NLGN1: variants seen among roughly 807,000 people sequenced by gnomAD.
NLGN1 encodes neuroligin 1.
NLGN1 carries 12 observed loss-of-function variants against 65.5 expected under a neutral mutation model. The ratio of observed to expected loss-of-function variants is 0.18; its 90% CI spans 0.12 to 0.30. The LOEUF (loss-of-function observed/expected upper bound fraction) is 0.30, where lower values mean the gene tolerates loss of function less well. Among genes scored for constraint, NLGN1 ranks in the 10% least tolerant of loss-of-function variants. The pLI, the probability that NLGN1 is intolerant of heterozygous loss-of-function variation, is 1.00. For missense variants in NLGN1, 750 were observed against 1,007.1 expected (o/e 0.74, Z 3.46); for synonymous variants, 350 against 359.5 (o/e 0.97, Z 0.30).
At chr3:173,684,228 T>A (rs188654694) in intron 3 of NLGN1, among the ~76,000 whole-genome samples, 43 of 152,246 alleles carry the variant, frequency 2.8e-4, no homozygotes, top group Non-Finnish European at 5.0e-4. Flanking sequence ...AATAGAACCC[T>A]TTTTTTAAAT....
At chr3:173,500,841 T>G (rs370986213) in intron 2 of NLGN1, among the ~76,000 whole-genome samples, 9 of 151,882 alleles carry the variant, frequency 5.9e-5, no homozygotes, top group African/African-American at 9.6e-5. Flanking sequence ...GGGCTTATGC[T>G]TCACAACACT....
intron 4 of NLGN1, among the ~76,000 whole-genome samples, chr3:173,975,798 G>A (rs1223381416): frequency 4.0e-5 from 6 of 151,760 alleles, no homozygotes; most frequent in South Asian, 2.1e-4. Context: ...ATTTTTGGTG[G>A]CATTTTTATG....
chr3:173,763,974 C>T (rs1244884111), intron 3 of NLGN1, among the ~76,000 whole-genome samples: 1 of 152,144 alleles, frequency 6.6e-6, no homozygotes, highest in African/African-American at 2.4e-5. Context: ...GTACTGTGCT[C>T]AGTAAGCTAA....
At chr3:174,224,593 G>C (rs1382363874) in intron 4 of NLGN1, among the ~76,000 whole-genome samples, 1 of 152,132 alleles carries the variant, frequency 6.6e-6, no homozygotes, top group East Asian at 1.9e-4. Context: ...CAGCTACTCG[G>C]GAGGCTGAGG....
rs77194394 is a variant in NLGN1, at chr3:174,161,653, G to T, written c.647-113662G>T. 3.9e-3 allele frequency among the ~76,000 whole-genome samples: 589 copies of T among 151,932 alleles called. 3 individuals are homozygous for T. Among genetic ancestry groups the T allele is most frequent in the African/African-American group, 0.014 (565 of 41,488 alleles). Reference sequence around the variant, plus strand: ...TAGGAAAAGAAGGAATTAGGCAGGGGTAAGGAAGAAAGGTTAGTCAACAGG... The same window carrying T: ...TAGGAAAAGAAGGAATTAGGCAGGGTTAAGGAAGAAAGGTTAGTCAACAGG... On this transcript the variant is annotated intron_variant, in intron 4 of 6. Coordinates refer to ENST00000457714, the Ensembl canonical transcript of NLGN1.
At chr3:174,159,139 C>T (rs1389267997) in intron 4 of NLGN1, among the ~76,000 whole-genome samples, 1 of 151,678 alleles carries the variant, frequency 6.6e-6, no homozygotes, top group Non-Finnish European at 1.5e-5. Context: ...TTGTAAAATA[C>T]ATTCACCAGC....
chr3:174,147,676 G>A (rs545231757), intron 4 of NLGN1, among the ~76,000 whole-genome samples: 3 of 151,988 alleles, frequency 2.0e-5, no homozygotes, highest in African/African-American at 4.8e-5. Context: ...ATTAAAAACC[G>A]TGTGGGCCAA....
chr3:174,204,655 G>A (rs1415500831), intron 4 of NLGN1, among the ~76,000 whole-genome samples: 1 of 152,164 alleles, frequency 6.6e-6, no homozygotes, highest in Non-Finnish European at 1.5e-5. Context: ...ATCTATGCAT[G>A]GTAAATTATA....
intron 4 of NLGN1, among the ~76,000 whole-genome samples, chr3:173,882,235 A>C (rs1430301433): frequency 6.6e-6 from 1 of 152,132 alleles, no homozygotes; most frequent in Non-Finnish European, 1.5e-5. Context: ...CCATTTTTTG[A>C]GCACAGGCAG....
intron 4 of NLGN1, among the ~76,000 whole-genome samples, chr3:173,874,793 A>C (rs992636682): frequency 6.6e-6 from 1 of 152,168 alleles, no homozygotes; most frequent in East Asian, 1.9e-4. Flanking sequence ...TTGGGTGATA[A>C]ATTTGCACAG....
At chr3:173,409,035 A>G (rs1234626525) in intron 1 of NLGN1, among the ~76,000 whole-genome samples, 2 of 152,090 alleles carry the variant, frequency 1.3e-5, no homozygotes, top group Non-Finnish European at 2.9e-5. Context: ...TAGAACCCCT[A>G]GGAAGCCTGA....
intron 4 of NLGN1, among the ~76,000 whole-genome samples, chr3:174,216,488 A>C (rs1391392533): frequency 1.3e-5 from 2 of 152,148 alleles, no homozygotes; most frequent in Non-Finnish European, 2.9e-5. Flanking sequence ...AAGGGAAAGA[A>C]AATCAGTTCT....
At chr3:173,713,624 A>G (rs542097791) in intron 3 of NLGN1, among the ~76,000 whole-genome samples, 1 of 152,212 alleles carries the variant, frequency 6.6e-6, no homozygotes, top group South Asian at 2.1e-4. Flanking sequence ...ACTGTTTACT[A>G]TATGATTGAC....
intron 3 of NLGN1, among the ~76,000 whole-genome samples, chr3:173,744,506 A>G (rs1775078589): frequency 6.6e-6 from 1 of 152,142 alleles, no homozygotes; most frequent in Admixed American, 6.6e-5. Flanking sequence ...AGAGAACAGC[A>G]TATTTTAGAA....
At chr3:173,413,070 CT>C (rs1312986841) in intron 1 of NLGN1, among the ~76,000 whole-genome samples, 1 of 152,012 alleles carries the variant, frequency 6.6e-6, no homozygotes, top group African/African-American at 2.4e-5. Context: ...AGAGTCTTTC[CT>C]TCTCTTTCTG....
chr3:173,605,053 A>T, exon 3 of NLGN1: 1 of 1,612,998 alleles, frequency 6.2e-7, no homozygotes, highest in Non-Finnish European at 8.5e-7. Context: ...CAGAGCGAAG[A>T]CTGCCTATAT....
At chr3:173,523,273 G>T (rs1280332838) in intron 2 of NLGN1, among the ~76,000 whole-genome samples, 1 of 151,598 alleles carries the variant, frequency 6.6e-6, no homozygotes, top group African/African-American at 2.4e-5. Context: ...AATATCATTT[G>T]TCTATTTTTG....
chr3:174,179,483 A>G, intron 4 of NLGN1, among the ~76,000 whole-genome samples: 1 of 152,138 alleles, frequency 6.6e-6, no homozygotes, highest in East Asian at 1.9e-4. Flanking sequence ...TCAAATATCA[A>G]GCGGATTTTT....
At chr3:173,667,707 G>A (rs1449238795) in intron 3 of NLGN1, among the ~76,000 whole-genome samples, 1 of 152,096 alleles carries the variant, frequency 6.6e-6, no homozygotes, top group Non-Finnish European at 1.5e-5. Flanking sequence ...TTGGCTCACT[G>A]CAACCTCCGC....
Sources: gnomAD v4.1 joint callset for allele counts (sites outside exome capture counted in the v4.1 genomes callset) on GRCh38, gnomAD v4.1.1 for gene constraint, MANE v1.5 for transcripts, NCBI Gene and HGNC (gene_info 2026-07-23, HGNC 2026-07-21) for gene names.